The following GRK5 variants were observed in gnomAD, a reference collection of about 807,000 sequenced individuals.
GRK5 encodes the protein g protein-coupled receptor kinase GRK5.
GRK5 carries 40 observed loss-of-function variants against 78.4 expected under a neutral mutation model. That is an observed-to-expected ratio of 0.51 (90% CI 0.40 to 0.66). The LOEUF is 0.66. Among genes scored for constraint, GRK5 ranks in the 30% least tolerant of loss-of-function variants. The pLI is 0.00. For synonymous variants in GRK5, 289 were observed against 296.8 expected, an observed-to-expected ratio of 0.97 and a Z score of 0.27; for missense variants, 598 against 759.9, an observed-to-expected ratio of 0.79 and a Z score of 2.50.
intron 1 of GRK5, among the ~76,000 whole-genome samples, chr10:119,312,114 T>C (rs962420314): frequency 6.8e-4 from 104 of 152,274 alleles, no homozygotes; most frequent in Middle Eastern, 6.8e-3. Flanking sequence ...GGTTTCACCG[T>C]GTTAGCCAGG....
At chr10:119,208,921 T>C (rs542097231) in intron 1 of GRK5, among the ~76,000 whole-genome samples, 3 of 152,276 alleles carry the variant, frequency 2.0e-5, no homozygotes, top group Admixed American at 2.0e-4. Context: ...CTTTTTTTTT[T>C]CTGGTCAAGA....
intron 1 of GRK5, among the ~76,000 whole-genome samples, chr10:119,213,648 G>C (rs149371911): frequency 2.0e-5 from 3 of 152,080 alleles, no homozygotes; most frequent in South Asian, 4.2e-4. Context: ...ATGTATTTTG[G>C]GGGGGCAGAG....
chr10:119,377,744 T>C (rs1350968333), intron 2 of GRK5, among the ~76,000 whole-genome samples: 1 of 152,134 alleles, frequency 6.6e-6, no homozygotes, highest in African/African-American at 2.4e-5. Flanking sequence ...CCTTAAGGGA[T>C]CACAATATGG....
At chr10:119,442,649 G>T (rs763845457) in intron 11 of GRK5, among the ~76,000 whole-genome samples, 1 of 152,222 alleles carries the variant, frequency 6.6e-6, no homozygotes, top group African/African-American at 2.4e-5. Flanking sequence ...GCTTCCTCCT[G>T]TGCATTTCAC....
intron 3 of GRK5, among the ~76,000 whole-genome samples, chr10:119,388,006 G>GGT (rs1470784607): frequency 6.6e-6 from 1 of 150,904 alleles, no homozygotes; most frequent in East Asian, 2.0e-4. Flanking sequence ...GCTGGAGTGC[G>GGT]GTGGTATGAT....
In GRK5 at chr10:119,412,668, TA is replaced by T. The variant is rs1173183511; in HGVS notation, c.340-10493del. ...TCCACATGGCCCTGAAGGTTTTGAT[TA>T]AAAAGGTGGAAGAATGGTGCTTTTT... On this transcript the variant is annotated intron_variant, in intron 4 of 15. Transcript: ENST00000392870. This position sits in a 1 kb window ranked among gnomAD's most constrained non-coding sequence, Gnocchi z 4.3. Among the ~76,000 whole-genome samples, 1 of 152,168 alleles carries T rather than the reference TA, an allele frequency of 6.6e-6. No individual in the cohort carries two copies. Among genetic ancestry groups the T allele is most frequent in the Non-Finnish European group, 1.5e-5 (1 of 68,018 alleles).
chr10:119,230,017 G>A (rs76881209), intron 1 of GRK5, among the ~76,000 whole-genome samples: 1 of 152,182 alleles, frequency 6.6e-6, no homozygotes, highest in Admixed American at 6.5e-5. Flanking sequence ...GACAAAGGTT[G>A]TTGGCACTGG....
chr10:119,303,595 G>A (rs1016714106), intron 1 of GRK5, among the ~76,000 whole-genome samples: 2 of 152,212 alleles, frequency 1.3e-5, no homozygotes, highest in African/African-American at 2.4e-5. Context: ...TTCTAAACCT[G>A]TTGGGAAGTC....
At chr10:119,360,422 G>A (rs1851341266) in intron 2 of GRK5, among the ~76,000 whole-genome samples, 1 of 152,190 alleles carries the variant, frequency 6.6e-6, no homozygotes, top group Non-Finnish European at 1.5e-5. Context: ...CCTTGTGAGT[G>A]GGAAGAGTCT....
chr10:119,322,810 C>T (rs925274361), intron 1 of GRK5, among the ~76,000 whole-genome samples: 2 of 152,146 alleles, frequency 1.3e-5, no homozygotes, highest in African/African-American at 4.8e-5. Flanking sequence ...TGAGTATATA[C>T]CCAAAAGAAT....
At chr10:119,447,190 G>A (rs537545585) in intron 12 of GRK5, among the ~76,000 whole-genome samples, 4 of 152,228 alleles carry the variant, frequency 2.6e-5, no homozygotes, top group Admixed American at 6.5e-5. Flanking sequence ...GCCTCATCCC[G>A]TCTCACCTGG....
rs967470316 is a variant in GRK5, at chr10:119,452,547, A to G, written c.1405-124A>G. 3 of 1,143,500 alleles carry G rather than the reference A, an allele frequency of 2.6e-6. No individual in the cohort carries two copies. The African/African-American group carries it at 4.6e-5, about 17-fold the overall frequency. The allele number at this position is 1,143,500 out of a possible 1,614,324, so 70.8% of individuals were successfully genotyped here. The stretch of plus-strand genomic sequence containing the variant: ...GCCACACACCCTCCAGCCACTACCC[A>G]TAGCAGTTCTGGGGGTGTGTCCTGG... On this transcript the variant is annotated intron_variant, in intron 13 of 15. Transcript: ENST00000392870. This position sits in a 1 kb window ranked among gnomAD's most constrained non-coding sequence, Gnocchi z 4.4.
intron 1 of GRK5, among the ~76,000 whole-genome samples, chr10:119,297,474 G>T (rs1850103530): frequency 6.6e-6 from 1 of 152,202 alleles, no homozygotes; most frequent in Non-Finnish European, 1.5e-5. Context: ...AAAGGACTTT[G>T]CTATGGTTTG....
At chr10:119,302,214 G>A (rs1850195239) in intron 1 of GRK5, among the ~76,000 whole-genome samples, 1 of 152,162 alleles carries the variant, frequency 6.6e-6, no homozygotes, top group Admixed American at 6.5e-5. Flanking sequence ...ATGAATAACT[G>A]GGCTTCTTCC....
intron 1 of GRK5, among the ~76,000 whole-genome samples, chr10:119,219,350 A>G (rs561062582): frequency 2.1e-4 from 32 of 152,358 alleles, no homozygotes; most frequent in African/African-American, 7.2e-4. Context: ...AGTAGCTGGG[A>G]CTACAGGTGC....
chr10:119,328,972 C>G (rs1214445276), intron 2 of GRK5, among the ~76,000 whole-genome samples: 1 of 152,202 alleles, frequency 6.6e-6, no homozygotes, highest in Non-Finnish European at 1.5e-5. Flanking sequence ...TTCCTCAGGG[C>G]TCTTTGGGGA....
chr10:119,251,384 C>A (rs1229623485), intron 1 of GRK5, among the ~76,000 whole-genome samples: 1 of 152,220 alleles, frequency 6.6e-6, no homozygotes, highest in Admixed American at 6.5e-5. Flanking sequence ...TATGGCATCA[C>A]CAATGCCTTT....
intron 1 of GRK5, among the ~76,000 whole-genome samples, chr10:119,211,313 G>A (rs940436566): frequency 2.0e-5 from 3 of 152,194 alleles, no homozygotes; most frequent in Admixed American, 6.5e-5. Flanking sequence ...TGAAAAAGAG[G>A]CCCAGACTAA....
chr10:119,383,367 T>C (rs939974184), intron 3 of GRK5, among the ~76,000 whole-genome samples: 1 of 152,232 alleles, frequency 6.6e-6, no homozygotes, highest in Non-Finnish European at 1.5e-5. Context: ...CTGGTTGTCT[T>C]TCTTTTTGAA....
Sources: allele counts gnomAD v4.1 joint callset (sites outside exome capture counted in the v4.1 genomes callset), GRCh38; gene constraint gnomAD v4.1.1; non-coding constraint Gnocchi (gnomAD v3.1); transcripts MANE v1.5; gene names NCBI Gene and HGNC (gene_info 2026-07-23, HGNC 2026-07-21).